PTPRG: variants seen among roughly 807,000 people sequenced by gnomAD.
PTPRG encodes protein tyrosine phosphatase receptor type G, also known as receptor-type tyrosine-protein phosphatase gamma.
Under a neutral mutation model 165.3 loss-of-function variants are expected in PTPRG, and 102 were observed. The observed-to-expected ratio is 0.62, with a 90% CI of 0.53 to 0.73. The LOEUF (loss-of-function observed/expected upper bound fraction) is 0.73. Among genes scored for constraint, PTPRG ranks in the 30% least tolerant of loss-of-function variants. The probability of loss-of-function intolerance (pLI) is 0.00; values close to 1 mark genes in which losing one functional copy is unlikely to be tolerated. For missense variants in PTPRG, 1,866 were observed against 1,861.4 expected (o/e 1.00, Z -0.05); for synonymous variants, 675 against 669.5 (o/e 1.01, Z -0.13).
At chr3:61,786,007 A>G (rs1034983196) in intron 2 of PTPRG, among the ~76,000 whole-genome samples, 1 of 152,166 alleles carries the variant, frequency 6.6e-6, no homozygotes, top group African/African-American at 2.4e-5. Flanking sequence ...CCCTCTCTAA[A>G]CAGGAAGCGA....
intron 1 of PTPRG, among the ~76,000 whole-genome samples, chr3:61,689,254 A>T (rs545125867): frequency 6.6e-6 from 1 of 152,258 alleles, no homozygotes; most frequent in South Asian, 2.1e-4. Flanking sequence ...AGTGATTCCT[A>T]TAACTGCTTC....
intron 4 of PTPRG, among the ~76,000 whole-genome samples, chr3:62,018,603 GT>G (rs2041608148): frequency 2.0e-5 from 3 of 152,228 alleles, no homozygotes; most frequent in Non-Finnish European, 4.4e-5. Flanking sequence ...TCAAATGGTA[GT>G]CTAAGGAAAG....
At chr3:61,619,633 TG>T (rs1426129639) in intron 1 of PTPRG, among the ~76,000 whole-genome samples, 4 of 152,190 alleles carry the variant, frequency 2.6e-5, no homozygotes, top group Non-Finnish European at 4.4e-5. Flanking sequence ...GGGTTCAACA[TG>T]GGCTTCCTAT....
chr3:61,592,769 A>G (rs1700604155), intron 1 of PTPRG, among the ~76,000 whole-genome samples: 1 of 151,782 alleles, frequency 6.6e-6, no homozygotes, highest in Middle Eastern at 3.4e-3. Flanking sequence ...CAGTCCCACA[A>G]GTTTGTGTTC....
intron 5 of PTPRG, among the ~76,000 whole-genome samples, chr3:62,128,086 G>A (rs1300228653): frequency 6.6e-6 from 1 of 152,166 alleles, no homozygotes; most frequent in Admixed American, 6.5e-5. Context: ...TGTATCTAAA[G>A]ACAACTGAAA....
chr3:61,662,746 A>G (rs980391190), intron 1 of PTPRG, among the ~76,000 whole-genome samples: 2 of 152,164 alleles, frequency 1.3e-5, no homozygotes, highest in Non-Finnish European at 2.9e-5. Context: ...AGGGGCAGAA[A>G]AGGGAATGTT....
intron 1 of PTPRG, among the ~76,000 whole-genome samples, chr3:61,600,336 C>T (rs1238044864): frequency 2.0e-5 from 3 of 151,892 alleles, no homozygotes; most frequent in Non-Finnish European, 4.4e-5. Context: ...TGCATGAAGA[C>T]TTTGATTTCA....
At chr3:62,160,864 A>ATTT (rs5849464) in intron 7 of PTPRG, among the ~76,000 whole-genome samples, 5,241 of 103,888 alleles carry the variant, frequency 0.05, 443 homozygotes, top group African/African-American at 0.074. Context: ...TAGATGTGTG[A>ATTT]TTTTTTTTTT....
intron 1 of PTPRG, among the ~76,000 whole-genome samples, chr3:61,722,013 A>G (rs1043914348): frequency 3.3e-5 from 5 of 152,146 alleles, no homozygotes; most frequent in African/African-American, 4.8e-5. Flanking sequence ...GAGTAGACCA[A>G]TTCGGGCCCT....
intron 2 of PTPRG, among the ~76,000 whole-genome samples, chr3:61,969,605 G>T (rs1319915910): frequency 4.6e-5 from 7 of 152,102 alleles, no homozygotes; most frequent in African/African-American, 1.7e-4. Flanking sequence ...GGTGGGTCTG[G>T]GAGTTGGAAC....
intron 2 of PTPRG, among the ~76,000 whole-genome samples, chr3:61,854,833 G>A (rs1260910675): frequency 6.6e-6 from 1 of 152,174 alleles, no homozygotes; most frequent in Non-Finnish European, 1.5e-5. Flanking sequence ...CTGACAGTGT[G>A]ATAGAGAAGG....
chr3:61,834,817 A>AAAAAG (rs986322218), intron 2 of PTPRG, among the ~76,000 whole-genome samples: 1 of 151,850 alleles, frequency 6.6e-6, no homozygotes. Flanking sequence ...TCTCAAAAAG[A>AAAAAG]AAAAAACATG....
rs1389223049 is a variant in PTPRG, at chr3:62,214,089, A to G, written c.2156-4762A>G. On this transcript the variant is annotated intron_variant, in intron 12 of 29. Transcript: ENST00000474889. This position sits in a 1 kb window ranked among gnomAD's most constrained non-coding sequence, Gnocchi z 5.2. The stretch of plus-strand genomic sequence containing the variant: ...CAGTCTAGTCTCAGGGCAAACTGAG[A>G]TTCTAGCTCTTTACCAGCAATCTCA... Among the ~76,000 whole-genome samples, 1 of 152,200 alleles carries G rather than the reference A, an allele frequency of 6.6e-6. No homozygotes were observed. Among genetic ancestry groups the G allele is most frequent in the East Asian group, 1.9e-4 (1 of 5,184 alleles).
intron 2 of PTPRG, among the ~76,000 whole-genome samples, chr3:61,894,529 C>G (rs11715657): frequency 0.13 from 20,124 of 152,010 alleles, 1,818 homozygotes; most frequent in East Asian, 0.49. Context: ...TGACAGTCAT[C>G]TCTTATTTAT....
intron 2 of PTPRG, among the ~76,000 whole-genome samples, chr3:61,897,842 G>C (rs192887681): frequency 1.1e-4 from 16 of 152,018 alleles, no homozygotes; most frequent in Admixed American, 6.5e-4. Flanking sequence ...TGGTATTTTT[G>C]TTCCATTTAT....
intron 2 of PTPRG, among the ~76,000 whole-genome samples, chr3:61,835,105 A>T (rs2036420772): frequency 6.6e-6 from 1 of 152,150 alleles, no homozygotes; most frequent in African/African-American, 2.4e-5. Context: ...TCATGGAAGG[A>T]TTATTTATAC....
intron 1 of PTPRG, among the ~76,000 whole-genome samples, chr3:61,595,090 C>T (rs9866754): frequency 0.16 from 25,062 of 151,984 alleles, 3,104 homozygotes; most frequent in African/African-American, 0.35. Flanking sequence ...GGTCTACGTT[C>T]TTTGGTTTCT....
chr3:61,893,741 A>G (rs1417522703), intron 2 of PTPRG, among the ~76,000 whole-genome samples: 1 of 152,204 alleles, frequency 6.6e-6, no homozygotes, highest in Non-Finnish European at 1.5e-5. Context: ...GTGGTGTATA[A>G]TAAATATTTG....
chr3:62,215,649 G>A (rs576469234), intron 12 of PTPRG, among the ~76,000 whole-genome samples: 1 of 150,970 alleles, frequency 6.6e-6, no homozygotes, highest in South Asian at 2.1e-4. Context: ...CCTGGGCTGT[G>A]ACTCAAGAGC....
Sources: gnomAD v4.1 joint callset for allele counts (sites outside exome capture counted in the v4.1 genomes callset) on GRCh38, gnomAD v4.1.1 for gene constraint, Gnocchi (gnomAD v3.1) non-coding constraint, MANE v1.5 for transcripts, NCBI Gene and HGNC (gene_info 2026-07-23, HGNC 2026-07-21) for gene names.